XPO6: variants seen among roughly 807,000 people sequenced by gnomAD.
XPO6 encodes the protein exportin 6, also known as exportin-6.
Under a neutral mutation model 130.0 loss-of-function variants are expected in XPO6, and 3 were observed. The ratio of observed to expected loss-of-function variants is 0.02; its 90% confidence interval spans 0.01 to 0.06. The LOEUF (loss-of-function observed/expected upper bound fraction) is 0.06. Ranked by LOEUF, XPO6 falls within the 10% of genes least tolerant of loss-of-function variation. The pLI is 1.00. For missense variants in XPO6, 970 were observed against 1,393.0 expected (o/e 0.70, Z 4.83); for synonymous variants, 524 against 548.9 (o/e 0.95, Z 0.63).
chr16:28,134,660 G>A (rs967848977), intron 10 of XPO6, among the ~76,000 whole-genome samples: 1 of 152,066 alleles, frequency 6.6e-6, no homozygotes, highest in African/African-American at 2.4e-5. Flanking sequence ...GCAGTTATTT[G>A]AAAAATTTTA....
At chr16:28,109,313 TTTG>T (rs1161609856) in intron 17 of XPO6, among the ~76,000 whole-genome samples, 5 of 151,714 alleles carry the variant, frequency 3.3e-5, no homozygotes, top group African/African-American at 1.2e-4. Context: ...TTTTTTTTTT[TTTG>T]TTTTCAAGAA....
At chr16:28,153,025 A>C in intron 7 of XPO6, 1 of 1,134,534 alleles carries the variant, frequency 8.8e-7, no homozygotes. Context: ...GCTTCTTATA[A>C]TCTAGTGCGC....
intron 11 of XPO6, among the ~76,000 whole-genome samples, chr16:28,133,476 C>A (rs72789657): frequency 6.6e-6 from 1 of 152,184 alleles, no homozygotes; most frequent in Non-Finnish European, 1.5e-5. Context: ...TATAGACACA[C>A]GCAGAGAAAG....
At chr16:28,203,489 G>GC (rs1207609457) in intron 1 of XPO6, among the ~76,000 whole-genome samples, 1 of 152,004 alleles carries the variant, frequency 6.6e-6, no homozygotes, top group East Asian at 1.9e-4. Context: ...TCCTTCTCGT[G>GC]CCCAGGGCCA....
chr16:28,194,522 C>A (rs1236924246), intron 1 of XPO6, among the ~76,000 whole-genome samples: 3 of 151,968 alleles, frequency 2.0e-5, no homozygotes, highest in African/African-American at 4.8e-5. Context: ...TGAGAAACTG[C>A]TTAATTAATA....
At position 28,101,353 on chromosome 16, in the gene XPO6, C is replaced by A. The variant is rs765495328; in HGVS notation, c.3276+105G>T. On this transcript the variant is annotated intron_variant, in intron 23 of 23. Coordinates refer to ENST00000304658, the MANE Select transcript of XPO6 (RefSeq NM_015171.4). This position sits in a 1 kb window ranked among gnomAD's most constrained non-coding sequence, Gnocchi z 5.4. ...CTGCCGCCAAGCTGCAGGGTGGGCA[C>A]AGACCACGCCCAGAGGCCTCAATGT... 2 of 1,018,960 alleles carry A rather than the reference C, an allele frequency of 2.0e-6. No individual in the cohort carries two copies. 63.1% of individuals were successfully genotyped at this position (1,018,960 alleles called of 1,614,324 possible).
chr16:28,126,448 C>T (rs540593058), intron 12 of XPO6, among the ~76,000 whole-genome samples: 5 of 152,320 alleles, frequency 3.3e-5, no homozygotes, highest in African/African-American at 7.2e-5. Flanking sequence ...ACAGATTCCC[C>T]GCCACTTCTG....
intron 7 of XPO6, chr16:28,153,679 G>A (rs1406196620): frequency 1.0e-6 from 1 of 985,288 alleles, no homozygotes; most frequent in African/African-American, 1.7e-5. Context: ...ATTAGAAAAT[G>A]AGATGGCCAT....
intron 1 of XPO6, among the ~76,000 whole-genome samples, chr16:28,203,441 G>A (rs1457591846): frequency 1.3e-5 from 2 of 152,114 alleles, no homozygotes; most frequent in Admixed American, 6.6e-5. Flanking sequence ...GGCTTAGACA[G>A]ATACATTTGA....
At chr16:28,130,197 C>G (rs558340405) in intron 12 of XPO6, among the ~76,000 whole-genome samples, 2 of 152,244 alleles carry the variant, frequency 1.3e-5, no homozygotes, top group Non-Finnish European at 2.9e-5. Context: ...TGGGTAACCA[C>G]ACTGCAGGCC....
At chr16:28,196,545 T>C (rs1023992804) in intron 1 of XPO6, among the ~76,000 whole-genome samples, 2 of 152,160 alleles carry the variant, frequency 1.3e-5, no homozygotes, top group African/African-American at 4.8e-5. Context: ...TACTTTAAAA[T>C]GGTGACGTTT....
rs1292372696 is a variant in XPO6 at position 28,101,119 on chromosome 16, G to A, written c.3276+339C>T. ...CAAGCCTGGGCACACTCCAATGCTG[G>A]CCCCACCGGGGCTCATCACCCAGGA... On this transcript the variant is annotated intron_variant, in intron 23 of 23. Transcript: ENST00000304658. This position sits in a 1 kb window ranked among gnomAD's most constrained non-coding sequence, Gnocchi z 5.4. 5.0e-6 allele frequency: 2 copies of A among 396,948 alleles called. No individual in the cohort carries two copies. Among genetic ancestry groups the A allele is most frequent in the East Asian group, 6.0e-5 (1 of 16,676 alleles). 24.6% of individuals were successfully genotyped at this position (396,948 alleles called of 1,614,324 possible).
At chr16:28,176,761 G>A (rs1480758527) in intron 3 of XPO6, among the ~76,000 whole-genome samples, 4 of 150,832 alleles carry the variant, frequency 2.7e-5, no homozygotes, top group Non-Finnish European at 5.9e-5. Flanking sequence ...CACCCGCCTC[G>A]GCCTCCCAAA....
At chr16:28,124,492 G>T (rs1354180333) in intron 13 of XPO6, among the ~76,000 whole-genome samples, 3 of 152,176 alleles carry the variant, frequency 2.0e-5, no homozygotes. Context: ...TACAAGAAGA[G>T]GAGGAGGAAC....
At chr16:28,206,916 C>A (rs2044040052) in intron 1 of XPO6, among the ~76,000 whole-genome samples, 1 of 152,100 alleles carries the variant, frequency 6.6e-6, no homozygotes, top group East Asian at 1.9e-4. Flanking sequence ...AGTTCTGATT[C>A]TGCCTCCATT....
chr16:28,107,660 G>T lies in XPO6; in HGVS notation c.2359C>A (p.Gln787Lys). The T allele has an allele frequency of 6.2e-7, 1 of 1,613,992 alleles. No individual in the cohort carries two copies. The highest frequency in any genetic ancestry group is 1.6e-4 in the Middle Eastern group (1 of 6,062). ...ATATCTTCTAAGACGCTGAGTGTCTGGTGGATAATCAGTTTGGCTGCAAAT... is the reference window on the plus strand; with the variant it reads ...ATATCTTCTAAGACGCTGAGTGTCTTGTGGATAATCAGTTTGGCTGCAAAT... ...PLDDTKLIIH[Q>K]TLSVLEDIVE... is the part of the protein sequence containing the mutation. The change falls in exon 18 of 24, where the codon CAG (glutamine) becomes AAG (lysine). Residue 787 changes from glutamine (Q) to lysine (K), a missense_variant. Transcript: ENST00000304658.
chr16:28,168,382 C>G (rs1285150665), intron 5 of XPO6, among the ~76,000 whole-genome samples: 1 of 151,956 alleles, frequency 6.6e-6, no homozygotes, highest in Non-Finnish European at 1.5e-5. Flanking sequence ...TCTGGGGAGG[C>G]TGAGGTGGAA....
intron 2 of XPO6, among the ~76,000 whole-genome samples, chr16:28,177,913 G>A (rs527907102): frequency 1.3e-5 from 2 of 152,318 alleles, no homozygotes; most frequent in South Asian, 2.1e-4. Context: ...TGAATCGACC[G>A]GTGGCAAGAG....
chr16:28,194,469 A>G lies in XPO6; in HGVS notation c.4-13438T>C, dbSNP rs149991948. ...GCAAACACTTTTTTTCTTTTTAAAG[A>G]AAGAAATATTGCATAGAACCCCACC... On this transcript the variant is annotated intron_variant, in intron 1 of 23. Coordinates refer to ENST00000304658, the MANE Select transcript of XPO6 (RefSeq NM_015171.4). 6.5e-4 allele frequency among the ~76,000 whole-genome samples: 99 copies of G among 152,250 alleles called. No homozygotes were observed. The East Asian group carries it at 8.5e-3, about 13-fold the overall frequency.
Sources: allele counts gnomAD v4.1 joint callset (sites outside exome capture counted in the v4.1 genomes callset), GRCh38; gene constraint gnomAD v4.1.1; non-coding constraint Gnocchi (gnomAD v3.1); transcripts MANE v1.5; gene names NCBI Gene and HGNC (gene_info 2026-07-23, HGNC 2026-07-21).